RPL23A: variants seen among roughly 807,000 people sequenced by gnomAD.
RPL23A encodes the protein ribosomal protein L23a.
RPL23A carries 2 observed loss-of-function variants against 17.6 expected under a neutral mutation model. The ratio of observed to expected loss-of-function variants is 0.11; its 90% CI spans 0.05 to 0.36. The LOEUF (loss-of-function observed/expected upper bound fraction) is 0.36, where lower values mean the gene tolerates loss of function less well. RPL23A is among the 10% of genes least tolerant of loss of function. RPL23A has a pLI of 1.00. For missense variants in RPL23A, 132 were observed against 194.4 expected, an observed-to-expected ratio of 0.68 and a Z score of 1.91; for synonymous variants, 65 against 74.3, an observed-to-expected ratio of 0.87 and a Z score of 0.65.
rs2034168180 is a variant in RPL23A, at chr17:28,724,155, A to G, written c.*274A>G. On this transcript the variant is annotated 3_prime_UTR_variant, in exon 5 of 5. Coordinates refer to ENST00000422514, the MANE Select transcript of RPL23A (RefSeq NM_000984.6). ...CCTCCATGGTTGAGTAACAAGCTGT[A>G]CAAGAACCCCTTTTATCCCTGGAAG... The G allele has an allele frequency of 3.9e-6, 2 of 511,626 alleles. No individual in the cohort carries two copies. Among genetic ancestry groups the G allele is most frequent in the East Asian group, 6.4e-5 (2 of 31,176 alleles). The allele number at this position is 511,626 out of a possible 1,614,324, so 31.7% of individuals were successfully genotyped here.
At chr17:28,723,345 G>A in intron 3 of RPL23A, 1 of 738,906 alleles carries the variant, frequency 1.4e-6, no homozygotes, top group Non-Finnish European at 2.5e-6. Context: ...TGCGACACGT[G>A]GCAGATTACC....
intron 1 of RPL23A, 174 bp downstream of exon 1, chr17:28,720,204 C>A: frequency 6.5e-7 from 1 of 1,533,614 alleles, no homozygotes; most frequent in Admixed American, 2.0e-5. Context: ...GCCTCGTGGG[C>A]TGAGTTCCGG....
At chr17:28,723,768 AC>A (rs775225468) in intron 4 of RPL23A, 98 bp from the exon 5 acceptor site, 1 of 1,393,480 alleles carries the variant, frequency 7.2e-7, no homozygotes, top group South Asian at 1.2e-5. Context: ...TCCTTGACAA[AC>A]CTTATCCTCA....
chr17:28,720,677 G>T, intron 1 of RPL23A, 30 bp from the exon 2 acceptor site: 2 of 1,612,516 alleles, frequency 1.2e-6, no homozygotes, highest in Non-Finnish European at 1.7e-6. Flanking sequence ...TCTAAATCCC[G>T]CACCCACGTT....
At chr17:28,722,954 A>G in intron 3 of RPL23A, 55 bp downstream of exon 3, 1 of 1,433,032 alleles carries the variant, frequency 7.0e-7, no homozygotes, top group Non-Finnish European at 9.8e-7. Flanking sequence ...CTGGAGCCAA[A>G]AAAACCTGCA....
intron 3 of RPL23A, chr17:28,723,340 C>T: frequency 1.4e-6 from 1 of 731,364 alleles, no homozygotes; most frequent in Non-Finnish European, 2.5e-6. Context: ...TAGAGTGCGA[C>T]ACGTGGCAGA....
rs2034167545 is a variant in RPL23A, at chr17:28,724,119, CT to C, written c.*239del. On this transcript the variant is annotated 3_prime_UTR_variant, in exon 5 of 5. Transcript: ENST00000422514. ...AGTTAGTGTCCTAGGAAAACCAGAACTCAGAACTTGCCTCCATGGTTGAGTA... is the reference window on the plus strand; with the variant it reads ...AGTTAGTGTCCTAGGAAAACCAGAACCAGAACTTGCCTCCATGGTTGAGTA... The C allele has an allele frequency of 1.9e-6, 1 of 512,936 alleles. No individual in the cohort carries two copies. Among genetic ancestry groups the C allele is most frequent in the Non-Finnish European group, 3.4e-6 (1 of 296,478 alleles). The allele number at this position is 512,936 out of a possible 1,614,324, so 31.8% of individuals were successfully genotyped here.
In RPL23A at chr17:28,723,975, CCACA is replaced by C. The variant is rs375777992; in HGVS notation, c.*104_*107del. ...GTCAATTTCTGGTTGGGCTGGGAGG[CCACA>C]CACACACACTGACATGACAGGGCTT... On this transcript the variant is annotated 3_prime_UTR_variant, in exon 5 of 5. Coordinates refer to ENST00000422514, the MANE Select transcript of RPL23A (RefSeq NM_000984.6). 7 of 815,294 alleles carry C rather than the reference CCACA, an allele frequency of 8.6e-6. No homozygotes were observed. The South Asian group carries it at 1.2e-4, about 14-fold the overall frequency. 50.5% of individuals were successfully genotyped at this position (815,294 alleles called of 1,614,324 possible).
rs2034100196 is a variant in RPL23A at position 28,720,760 on chromosome 17, G to A, written c.79G>A (p.Ala27Thr). 6.2e-7 allele frequency: 1 copy of A among 1,613,772 alleles called. No homozygotes were observed. Among genetic ancestry groups the A allele is most frequent in the Non-Finnish European group, 8.5e-7 (1 of 1,179,674 alleles). ...AKAKALKAKK[A>T]VLKGVHSHKK... ...AGCGAAGGCTTTAAAGGCCAAGAAGGCAGTGTTGAAAGGTGTCCACAGCCA... is the reference window on the plus strand; with the variant it reads ...AGCGAAGGCTTTAAAGGCCAAGAAGACAGTGTTGAAAGGTGTCCACAGCCA... The change falls in exon 2 of 5, where the codon GCA becomes ACA. Residue 27 changes from alanine (A) to threonine (T), a missense_variant. Coordinates refer to ENST00000422514, the MANE Select transcript of RPL23A (RefSeq NM_000984.6).
chr17:28,720,419 T>C, intron 1 of RPL23A: 1 of 1,605,448 alleles, frequency 6.2e-7, no homozygotes, highest in East Asian at 2.2e-5. Flanking sequence ...CGCAGCGTGG[T>C]TTTGCGATGG....
At position 28,723,986 on chromosome 17, in the gene RPL23A, C is replaced by A. The variant is rs2034165314; in HGVS notation, c.*105C>A. The A allele has an allele frequency of 2.7e-6, 2 of 751,286 alleles. No homozygotes were observed. Among genetic ancestry groups the A allele is most frequent in the Non-Finnish European group, 4.3e-6 (2 of 466,746 alleles). 46.5% of individuals were successfully genotyped at this position (751,286 alleles called of 1,614,324 possible). ...GTTGGGCTGGGAGGCCACACACACACACTGACATGACAGGGCTTGGGCAAG... is the reference window on the plus strand; with the variant it reads ...GTTGGGCTGGGAGGCCACACACACAAACTGACATGACAGGGCTTGGGCAAG... On this transcript the variant is annotated 3_prime_UTR_variant, in exon 5 of 5. Transcript: ENST00000422514.
intron 1 of RPL23A, chr17:28,720,413 G>GCAC: frequency 6.2e-7 from 1 of 1,601,154 alleles, no homozygotes; most frequent in Non-Finnish European, 8.5e-7. Flanking sequence ...TCTCTCCGCA[G>GCAC]CGTGGTTTTG....
In RPL23A at chr17:28,723,430, G is replaced by A. The variant is rs527588664; in HGVS notation, c.387-141G>A. 6.3e-6 allele frequency: 5 copies of A among 788,500 alleles called. No individual in the cohort carries two copies. In the African/African-American group the frequency reaches 6.7e-5, roughly 11 times the overall value. The allele number at this position is 788,500 out of a possible 1,614,324, so 48.8% of individuals were successfully genotyped here. A position where few individuals can be genotyped will look rare whatever the true frequency, so the allele number is the denominator to read the frequency against. ...CTTTGTGGCTTCATGGTGTCCTCTG[G>A]GCTAATGATGGAAAAATCATTATTG... is the stretch of plus-strand genomic sequence containing the variant. On this transcript the variant is annotated intron_variant, in intron 3 of 4. Coordinates refer to ENST00000422514, the MANE Select transcript of RPL23A (RefSeq NM_000984.6).
intron 3 of RPL23A, among the ~76,000 whole-genome samples, chr17:28,723,115 A>T (rs897340969): frequency 7.3e-5 from 10 of 136,532 alleles, no homozygotes; most frequent in African/African-American, 2.1e-4. Flanking sequence ...GCCCTTTTTA[A>T]AAAAAAAAAA....
At chr17:28,723,716 T>TTAGC in intron 4 of RPL23A, 76 bp downstream of exon 4, 1 of 1,421,902 alleles carries the variant, frequency 7.0e-7, no homozygotes, top group South Asian at 1.1e-5. Flanking sequence ...GACCAAAGCC[T>TTAGC]GATCTTTGCT....
intron 2 of RPL23A, among the ~76,000 whole-genome samples, chr17:28,722,174 A>AG (rs2034126420): frequency 6.6e-6 from 1 of 150,912 alleles, no homozygotes; most frequent in Non-Finnish European, 1.5e-5. Flanking sequence ...GTGTGAACCC[A>AG]GGAGGCGGAG....
chr17:28,723,614 T>A lies in RPL23A; in HGVS notation c.430T>A (p.Tyr144Asn). ...GGCATATGTTCGACTGGCTCCTGAT[T>A]ACGATGCTTTGGATGTTGCCAACAA... ...KKAYVRLAPD[Y>N]DALDVANKIG... Residue 144 changes from tyrosine to asparagine, a missense_variant, in exon 4 of 5, where the codon TAC (tyrosine) becomes AAC (asparagine). By Grantham distance (143) the Tyr-to-Asn change is moderately radical. Coordinates refer to ENST00000422514, the MANE Select transcript of RPL23A (RefSeq NM_000984.6). The A allele has an allele frequency of 6.2e-7, 1 of 1,614,072 alleles. No individual in the cohort carries two copies. The highest frequency in any genetic ancestry group is 8.5e-7 in the Non-Finnish European group (1 of 1,179,974).
chr17:28,723,808 C>A, intron 4 of RPL23A, 59 bp from the exon 5 acceptor site: 1 of 1,532,060 alleles, frequency 6.5e-7, no homozygotes, highest in Non-Finnish European at 9.0e-7. Context: ...CTAAAAATAA[C>A]ATTCCAGCTT....
At chr17:28,721,066 C>G in intron 2 of RPL23A, 176 bp downstream of exon 2, 7 of 622,018 alleles carry the variant, frequency 1.1e-5, no homozygotes, top group Non-Finnish European at 1.9e-5. Flanking sequence ...AGGATCAGCC[C>G]AGAGGCCGGG....
Sources: allele counts gnomAD v4.1 joint callset (sites outside exome capture counted in the v4.1 genomes callset), GRCh38; gene constraint gnomAD v4.1.1; transcripts MANE v1.5; gene names NCBI Gene and HGNC (gene_info 2026-07-23, HGNC 2026-07-21).